The following PTPN4 variants were observed in gnomAD, a reference collection of about 807,000 sequenced individuals.
PTPN4 encodes tyrosine-protein phosphatase non-receptor type 4.
Under a neutral mutation model 135.5 loss-of-function variants are expected in PTPN4, and 49 were observed. That is an observed-to-expected ratio of 0.36 (90% confidence interval 0.29 to 0.46). The LOEUF (loss-of-function observed/expected upper bound fraction) is 0.46, where lower values mean the gene tolerates loss of function less well. Among genes scored for constraint, PTPN4 ranks in the 20% least tolerant of loss-of-function variants. PTPN4 has a pLI of 1.00. For synonymous variants in PTPN4, 333 were observed against 369.9 expected, an observed-to-expected ratio of 0.90 and a Z score of 1.14; for missense variants, 860 against 1,101.0, an observed-to-expected ratio of 0.78 and a Z score of 3.10.
At chr2:119,892,328 GTGTA>G (rs1191275965) in intron 9 of PTPN4, among the ~76,000 whole-genome samples, 1 of 152,180 alleles carries the variant, frequency 6.6e-6, no homozygotes, top group African/African-American at 2.4e-5. Context: ...AAATAGGTAC[GTGTA>G]TGTATGTGTG....
chr2:119,785,734 T>TTG (rs202103705), intron 1 of PTPN4, among the ~76,000 whole-genome samples: 3 of 151,378 alleles, frequency 2.0e-5, no homozygotes, highest in Non-Finnish European at 4.4e-5. Context: ...CGTGTTTGCT[T>TTG]TGTGTGTGTG....
intron 13 of PTPN4, among the ~76,000 whole-genome samples, chr2:119,927,569 C>T (rs1678844531): frequency 6.6e-6 from 1 of 152,102 alleles, no homozygotes; most frequent in Non-Finnish European, 1.5e-5. Context: ...TAATAAAGGC[C>T]TGAACAAAAA....
intron 13 of PTPN4, among the ~76,000 whole-genome samples, chr2:119,930,070 G>A (rs1193138498): frequency 6.6e-6 from 1 of 151,956 alleles, no homozygotes; most frequent in East Asian, 1.9e-4. Flanking sequence ...TTTTCATTCT[G>A]TTGTGACTGA....
chr2:119,897,710 T>C (rs1297765894), intron 9 of PTPN4, among the ~76,000 whole-genome samples: 1 of 152,212 alleles, frequency 6.6e-6, no homozygotes, highest in Non-Finnish European at 1.5e-5. Flanking sequence ...TGTTATAAAT[T>C]CTCCCCTTTA....
intron 2 of PTPN4, among the ~76,000 whole-genome samples, chr2:119,811,104 T>C (rs1339896439): frequency 2.6e-5 from 4 of 152,204 alleles, no homozygotes; most frequent in African/African-American, 9.6e-5. Context: ...GGGGGAGGGA[T>C]AGCATTAGGA....
At chr2:119,968,044 A>T (rs1434246735) in intron 26 of PTPN4, 72 bp downstream of exon 26, 3 of 1,186,378 alleles carry the variant, frequency 2.5e-6, no homozygotes, top group Non-Finnish European at 3.4e-6. Flanking sequence ...CATATTCTAA[A>T]TCATATTTTT....
chr2:119,862,305 A>G (rs1313632539), intron 2 of PTPN4, among the ~76,000 whole-genome samples: 1 of 152,132 alleles, frequency 6.6e-6, no homozygotes, highest in Non-Finnish European at 1.5e-5. Context: ...ACAGTTACCA[A>G]GTTAACCCAT....
chr2:119,827,204 C>G (rs1028129474), intron 2 of PTPN4, among the ~76,000 whole-genome samples: 2 of 152,136 alleles, frequency 1.3e-5, no homozygotes, highest in Admixed American at 6.5e-5. Flanking sequence ...AGATACTAAT[C>G]ACACAATGGA....
intron 2 of PTPN4, among the ~76,000 whole-genome samples, chr2:119,842,280 T>C (rs1012144859): frequency 2.6e-5 from 4 of 152,188 alleles, no homozygotes; most frequent in African/African-American, 7.2e-5. Flanking sequence ...AGAGGCTCAA[T>C]AAAAGTCTTC....
At position 119,805,934 on chromosome 2, in the gene PTPN4, G is replaced by C. The variant is rs529754991; in HGVS notation, c.-17-3903G>C. 1.8e-4 allele frequency among the ~76,000 whole-genome samples: 28 copies of C among 152,210 alleles called. 1 individual carries two copies. The highest frequency in any genetic ancestry group is 6.3e-4 in the African/African-American group (26 of 41,536). On this transcript the variant is annotated intron_variant, in intron 1 of 26. Coordinates refer to ENST00000263708, the MANE Select transcript of PTPN4 (RefSeq NM_002830.4). ...ATGAGCATGGAATGTTCTTCCATTT[G>C]TTTGTGTCCTCTTTTACCCCAGAAT...
chr2:119,876,278 C>T (rs1677981534), intron 3 of PTPN4, among the ~76,000 whole-genome samples: 1 of 151,930 alleles, frequency 6.6e-6, no homozygotes, highest in South Asian at 2.1e-4. Context: ...CTTTATGGAG[C>T]ATGAAGAGGG....
intron 3 of PTPN4, among the ~76,000 whole-genome samples, chr2:119,874,547 C>T (rs998216900): frequency 1.3e-5 from 2 of 152,046 alleles, no homozygotes; most frequent in East Asian, 1.9e-4. Flanking sequence ...TCCATTCTTA[C>T]GAAATGTTCA....
intron 2 of PTPN4, among the ~76,000 whole-genome samples, chr2:119,854,407 C>T (rs534291249): frequency 6.4e-4 from 97 of 152,306 alleles, no homozygotes; most frequent in African/African-American, 2.3e-3. Flanking sequence ...ACTCCTTACC[C>T]TATCTGCGTA....
chr2:119,811,888 T>C (rs1676886296), intron 2 of PTPN4, among the ~76,000 whole-genome samples: 1 of 151,800 alleles, frequency 6.6e-6, no homozygotes, highest in Non-Finnish European at 1.5e-5. Flanking sequence ...TGTACTTTTA[T>C]ATGTTTATAT....
At chr2:119,942,467 A>G (rs1679074677) in intron 15 of PTPN4, among the ~76,000 whole-genome samples, 1 of 152,048 alleles carries the variant, frequency 6.6e-6, no homozygotes. Flanking sequence ...CCCTGACTCC[A>G]TTTTCATATG....
chr2:119,845,525 C>G (rs1677484386), intron 2 of PTPN4, among the ~76,000 whole-genome samples: 1 of 152,008 alleles, frequency 6.6e-6, no homozygotes. Flanking sequence ...CATAATGTTC[C>G]TTAACATCTC....
intron 1 of PTPN4, among the ~76,000 whole-genome samples, chr2:119,785,637 T>C (rs1442259923): frequency 6.6e-6 from 1 of 152,198 alleles, no homozygotes; most frequent in Non-Finnish European, 1.5e-5. Context: ...GTGAAAACTT[T>C]CAAACACAGA....
At chr2:119,888,887 T>C (rs1678197652) in intron 9 of PTPN4, among the ~76,000 whole-genome samples, 1 of 152,220 alleles carries the variant, frequency 6.6e-6, no homozygotes. Flanking sequence ...CAGTTTTTTT[T>C]GGAATAGTTT....
chr2:119,821,154 G>T (rs1006659732), intron 2 of PTPN4, among the ~76,000 whole-genome samples: 1 of 146,342 alleles, frequency 6.8e-6, no homozygotes, highest in Non-Finnish European at 1.5e-5. Flanking sequence ...GAGCAGTGGC[G>T]TGATCTCGGT....
Sources: gnomAD v4.1 joint callset for allele counts (sites outside exome capture counted in the v4.1 genomes callset) on GRCh38, gnomAD v4.1.1 for gene constraint, MANE v1.5 for transcripts, NCBI Gene and HGNC (gene_info 2026-07-23, HGNC 2026-07-21) for gene names.